Variants in PTPRN2 observed in about 807,000 individuals in gnomAD.
PTPRN2 encodes the protein receptor-type tyrosine-protein phosphatase N2.
Under a neutral mutation model 118.8 loss-of-function variants are expected in PTPRN2, and 74 were observed. That is an observed-to-expected ratio of 0.62 (90% CI 0.52 to 0.76). The LOEUF (loss-of-function observed/expected upper bound fraction) is 0.76, where lower values mean the gene tolerates loss of function less well. PTPRN2 is among the 30% of genes least tolerant of loss of function. PTPRN2 has a pLI of 0.00. For synonymous variants in PTPRN2, 641 were observed against 608.0 expected (o/e 1.05, Z -0.80); for missense variants, 1,481 against 1,394.4 (o/e 1.06, Z -0.99).
Position 158,165,908 on chromosome 7 carries a change from C to T in PTPRN2, c.910+1023G>A, listed in dbSNP as rs564352832. ...CTTGGCAGAGCAGTCACCTCGAGGC[C>T]GACACTGTTCAGCTAGTGCATGGTG... On this transcript the variant is annotated intron_variant, in intron 6 of 22. Transcript: ENST00000389418. Among the ~76,000 whole-genome samples, 33 of 152,156 alleles carry T rather than the reference C, an allele frequency of 2.2e-4. No individual in the cohort carries two copies. The South Asian group carries it at 6.0e-3, about 28-fold the overall frequency.
intron 15 of PTPRN2, among the ~76,000 whole-genome samples, chr7:157,604,709 G>A (rs558523866): frequency 2.6e-5 from 4 of 152,262 alleles, no homozygotes; most frequent in Non-Finnish European, 5.9e-5. Flanking sequence ...GAGGAAAAAT[G>A]TACTGGTGGA....
rs1226281741 is a variant in PTPRN2 at position 157,676,643 on chromosome 7, G to A, written c.2001+6082C>T. ...GCTGGGGACCGCCCAGTGCAGCTCTGCCACTGGCCCTGTGGGCTGGGGCGC... is the reference window on the plus strand; with the variant it reads ...GCTGGGGACCGCCCAGTGCAGCTCTACCACTGGCCCTGTGGGCTGGGGCGC... On this transcript the variant is annotated intron_variant, in intron 13 of 22. Transcript: ENST00000389418. This position sits in a 1 kb window ranked among gnomAD's most constrained non-coding sequence, Gnocchi z 5.6. Among the ~76,000 whole-genome samples the A allele has an allele frequency of 2.6e-5, 4 of 152,248 alleles. No homozygotes were observed. The highest frequency in any genetic ancestry group is 5.9e-5 in the Non-Finnish European group (4 of 68,036).
chr7:158,044,475 G>T (rs1350628540), intron 11 of PTPRN2, among the ~76,000 whole-genome samples: 1 of 152,242 alleles, frequency 6.6e-6, no homozygotes, highest in Non-Finnish European at 1.5e-5. Flanking sequence ...ATGGGAACGT[G>T]TTGGAGCTTG....
intron 1 of PTPRN2, among the ~76,000 whole-genome samples, chr7:158,566,262 G>T (rs1324696344): frequency 6.6e-6 from 1 of 151,952 alleles, no homozygotes; most frequent in Non-Finnish European, 1.5e-5. Context: ...ACTGAGGCAG[G>T]AGAATTGCTT....
intron 20 of PTPRN2, among the ~76,000 whole-genome samples, chr7:157,569,903 T>G (rs1404820694): frequency 6.6e-6 from 1 of 152,230 alleles, no homozygotes; most frequent in Non-Finnish European, 1.5e-5. Flanking sequence ...ATTTCAAGAC[T>G]TCAAGAAAGA....
At chr7:158,496,269 C>T (rs1209396648) in intron 1 of PTPRN2, among the ~76,000 whole-genome samples, 27 of 125,690 alleles carry the variant, frequency 2.1e-4, no homozygotes, top group African/African-American at 7.6e-4. Flanking sequence ...CTTCCCTGCA[C>T]CCCCTCCCCT....
At chr7:158,089,612 T>C (rs201466185) in intron 10 of PTPRN2, among the ~76,000 whole-genome samples, 113 of 61,936 alleles carry the variant, frequency 1.8e-3, no homozygotes, top group East Asian at 9.4e-3. Flanking sequence ...CTTCCCCTGA[T>C]GAAAGAGGGA....
intron 2 of PTPRN2, among the ~76,000 whole-genome samples, chr7:158,370,394 C>T (rs981206750): frequency 1.3e-5 from 2 of 152,042 alleles, no homozygotes; most frequent in African/African-American, 4.8e-5. Flanking sequence ...CGAGATTGTA[C>T]CACTGCACTC....
chr7:157,547,901 G>C lies in PTPRN2; in HGVS notation c.2976+1045C>G, dbSNP rs114866156. 2.6e-3 allele frequency among the ~76,000 whole-genome samples: 394 copies of C among 151,416 alleles called. 5 individuals carry two copies. The highest frequency in any genetic ancestry group is 7.9e-4 in the Non-Finnish European group (54 of 68,032). ...CAGCAGAGGAACCATGATGCCCCTC[G>C]CGTGGCCGCCCTGGGCGTGTCCTGC... On this transcript the variant is annotated intron_variant, in intron 22 of 22. Coordinates refer to ENST00000389418, the MANE Select transcript of PTPRN2 (RefSeq NM_002847.5).
chr7:158,054,965 G>A (rs547801372), intron 11 of PTPRN2, among the ~76,000 whole-genome samples: 55 of 152,296 alleles, frequency 3.6e-4, no homozygotes, highest in East Asian at 1.3e-3. Flanking sequence ...CTGCCCAGCC[G>A]TCCCCTTCAC....
intron 11 of PTPRN2, among the ~76,000 whole-genome samples, chr7:157,943,939 G>A (rs565227813): frequency 8.5e-5 from 13 of 152,238 alleles, no homozygotes; most frequent in African/African-American, 1.2e-4. Flanking sequence ...TATTTTTCTG[G>A]TAGTTCATCT....
rs143943903 is a variant in PTPRN2, at chr7:158,035,889, G to A, written c.1723+45409C>T. ...CATGTAATAAAAAATTATAAACCACGTAGAAAACAATCTGTAATGAGAAAG... is the reference window on the plus strand; with the variant it reads ...CATGTAATAAAAAATTATAAACCACATAGAAAACAATCTGTAATGAGAAAG... On this transcript the variant is annotated intron_variant, in intron 11 of 22. Coordinates refer to ENST00000389418, the MANE Select transcript of PTPRN2 (RefSeq NM_002847.5). 4.4e-3 allele frequency among the ~76,000 whole-genome samples: 672 copies of A among 152,176 alleles called. 7 individuals are homozygous for A. Among genetic ancestry groups the A allele is most frequent in the African/African-American group, 0.015 (637 of 41,536 alleles).
At chr7:158,413,605 GT>G (rs1460539072) in intron 2 of PTPRN2, among the ~76,000 whole-genome samples, 4 of 152,222 alleles carry the variant, frequency 2.6e-5, no homozygotes, top group Non-Finnish European at 5.9e-5. Context: ...AAAGCCCCGT[GT>G]GGGCTCCATG....
At chr7:157,747,386 G>A (rs1243433831) in intron 12 of PTPRN2, among the ~76,000 whole-genome samples, 1 of 139,246 alleles carries the variant, frequency 7.2e-6, no homozygotes. Context: ...CTGAGCTGTG[G>A]GCTGTTGAGG....
rs200138372 is a variant in PTPRN2 at position 158,501,323 on chromosome 7, CT to C, written c.113-11539del. Among the ~76,000 whole-genome samples, 1,274 of 152,316 alleles carry C rather than the reference CT, an allele frequency of 8.4e-3. 34 individuals carry two copies. The highest frequency in any genetic ancestry group is 0.024 in the Admixed American group (371 of 15,310). On this transcript the variant is annotated intron_variant, in intron 1 of 22. Coordinates refer to ENST00000389418, the MANE Select transcript of PTPRN2 (RefSeq NM_002847.5). The stretch of plus-strand genomic sequence containing the variant: ...AAGCAAACAGAGCACTGCCCAGGGA[CT>C]CCAAGGGTCTCAGAGCCTCTGTACC...
intron 11 of PTPRN2, among the ~76,000 whole-genome samples, chr7:157,993,855 T>C (rs2128848985): frequency 6.6e-6 from 1 of 152,252 alleles, no homozygotes; most frequent in Non-Finnish European, 1.5e-5. Flanking sequence ...GATCTCTCCC[T>C]AAAATGCCAA....
intron 3 of PTPRN2, among the ~76,000 whole-genome samples, chr7:158,309,573 T>C (rs979049661): frequency 5.3e-5 from 8 of 152,222 alleles, no homozygotes; most frequent in Non-Finnish European, 1.0e-4. Flanking sequence ...ACAAGTTATG[T>C]ATTACTATAA....
chr7:157,547,877 A>G (rs1798403404), intron 22 of PTPRN2, among the ~76,000 whole-genome samples: 2 of 151,418 alleles, frequency 1.3e-5, no homozygotes, highest in African/African-American at 4.9e-5. Context: ...CGTCCCGGAC[A>G]GCAGAGGAAC....
intron 12 of PTPRN2, among the ~76,000 whole-genome samples, chr7:157,750,032 CCTG>C (rs1801367403): frequency 6.6e-6 from 1 of 151,926 alleles, no homozygotes; most frequent in South Asian, 2.1e-4. Flanking sequence ...GACTCTGAGG[CCTG>C]CTTCTCTGTG....
Sources: gnomAD v4.1 joint callset for allele counts (sites outside exome capture counted in the v4.1 genomes callset) on GRCh38, gnomAD v4.1.1 for gene constraint, Gnocchi (gnomAD v3.1) non-coding constraint, MANE v1.5 for transcripts, NCBI Gene and HGNC (gene_info 2026-07-23, HGNC 2026-07-21) for gene names.